The following GLRX3 variants were observed in gnomAD, a reference collection of about 807,000 sequenced individuals.
GLRX3 encodes the protein glutaredoxin-3.
Under a neutral mutation model 49.5 loss-of-function variants are expected in GLRX3, and 22 were observed. The observed-to-expected ratio is 0.44, with a 90% CI of 0.32 to 0.63. The LOEUF is 0.63. Among genes scored for constraint, GLRX3 ranks in the 30% least tolerant of loss-of-function variants. The pLI is 0.05. For synonymous variants in GLRX3, 133 were observed against 140.0 expected (o/e 0.95, Z 0.35); for missense variants, 385 against 396.3 (o/e 0.97, Z 0.24).
intron 8 of GLRX3, among the ~76,000 whole-genome samples, chr10:130,173,067 G>A (rs1215873621): frequency 6.6e-6 from 1 of 152,174 alleles, no homozygotes; most frequent in Non-Finnish European, 1.5e-5. Context: ...CCATACAGTG[G>A]GGGCTGGCTT....
intron 2 of GLRX3, among the ~76,000 whole-genome samples, chr10:130,147,318 G>T (rs1031904678): frequency 2.0e-5 from 3 of 152,216 alleles, no homozygotes; most frequent in Admixed American, 6.5e-5. Context: ...GCTTTTATGT[G>T]TATCATGTTA....
chr10:130,179,242 C>T (rs2134936562), intron 10 of GLRX3, 100 bp from the exon 11 acceptor site: 1 of 635,592 alleles, frequency 1.6e-6, no homozygotes, highest in Non-Finnish European at 2.8e-6. Flanking sequence ...ATAGGTGTTT[C>T]TTTTGGTTCT....
In GLRX3 at chr10:130,155,760, G is replaced by A. The variant is rs369349293; in HGVS notation, c.202-4235G>A. On this transcript the variant is annotated intron_variant, in intron 2 of 10. Coordinates refer to ENST00000331244, the MANE Select transcript of GLRX3 (RefSeq NM_006541.5). ...CATTTAGAGCCATAGGATCGGATGAGCCCACTCCAGGAGAATGAGTGTGGA... is the reference window on the plus strand; with the variant it reads ...CATTTAGAGCCATAGGATCGGATGAACCCACTCCAGGAGAATGAGTGTGGA... Among the ~76,000 whole-genome samples, 3 of 152,302 alleles carry A rather than the reference G, an allele frequency of 2.0e-5. No homozygotes were observed. In the South Asian group the frequency reaches 6.2e-4, roughly 32 times the overall value.
intron 3 of GLRX3, 62 bp from the exon 4 acceptor site, chr10:130,160,734 G>C: frequency 1.1e-6 from 1 of 945,468 alleles, no homozygotes; most frequent in Non-Finnish European, 1.7e-6. Context: ...TTAAAAATCT[G>C]CTATAACAAT....
rs188226680 is a variant in GLRX3, at chr10:130,168,059, A to G, written c.713+1079A>G. ...TCTGCTGAGTGCACTTGCCGCTGTT[A>G]ATGGCCTTGTCTCCATCAGACCTCC... On this transcript the variant is annotated intron_variant, in intron 6 of 10. Transcript: ENST00000331244. Among the ~76,000 whole-genome samples the G allele has an allele frequency of 1.9e-3, 293 of 152,334 alleles. 1 individual carries two copies. Among genetic ancestry groups the G allele is most frequent in the Admixed American group, 5.8e-3 (89 of 15,304 alleles).
In GLRX3 at chr10:130,136,527, G is replaced by C; in HGVS notation, c.92+15G>C. 7.9e-7 allele frequency: 1 copy of C among 1,261,014 alleles called. No individual in the cohort carries two copies. The highest frequency in any genetic ancestry group is 1.0e-6 in the Non-Finnish European group (1 of 996,276). The allele number at this position is 1,261,014 out of a possible 1,614,324, so 78.1% of individuals were successfully genotyped here. ...CTCAAAGCCAAGTAAGCGGGGCGGC[G>C]AGCGGTAGGAGTGAGGAGCCGGAGC... is the stretch of plus-strand genomic sequence containing the variant. On this transcript the variant is annotated intron_variant, in intron 1 of 10. Transcript: ENST00000331244.
At chr10:130,149,260 G>GAAACCAAC (rs1862325593) in intron 2 of GLRX3, among the ~76,000 whole-genome samples, 1 of 152,008 alleles carries the variant, frequency 6.6e-6, no homozygotes, top group Non-Finnish European at 1.5e-5. Context: ...TGAGTAACAT[G>GAAACCAAC]GTGAAACCCT....
chr10:130,176,788 C>A (rs1357765089), intron 10 of GLRX3, among the ~76,000 whole-genome samples: 1 of 136,314 alleles, frequency 7.3e-6, no homozygotes, highest in Non-Finnish European at 1.6e-5. Flanking sequence ...CTCTCTCTCT[C>A]TCTCTATATA....
intron 7 of GLRX3, 114 bp from the exon 8 acceptor site, chr10:130,171,470 A>C: frequency 1.4e-6 from 1 of 707,982 alleles, no homozygotes; most frequent in Non-Finnish European, 2.6e-6. Context: ...GCTGAGTGAA[A>C]GTAGTGGCAG....
intron 2 of GLRX3, among the ~76,000 whole-genome samples, chr10:130,159,155 A>AT (rs959970337): frequency 2.6e-5 from 4 of 152,346 alleles, no homozygotes; most frequent in Admixed American, 6.5e-5. Flanking sequence ...GTGAATACAG[A>AT]TTTTTATTGG....
At chr10:130,164,752 C>T (rs556596451) in intron 4 of GLRX3, among the ~76,000 whole-genome samples, 4 of 152,284 alleles carry the variant, frequency 2.6e-5, no homozygotes, top group African/African-American at 9.6e-5. Flanking sequence ...GAAACACTAC[C>T]AATCAATCTT....
In GLRX3 at chr10:130,137,025, C is replaced by T. The variant is rs149686811; in HGVS notation, c.92+513C>T. ...GCTCTTCAGCCTCCCTTCAGGAACG[C>T]CCCTGTCGCAGGAAGAGCGGCGAGG... On this transcript the variant is annotated intron_variant, in intron 1 of 10. Transcript: ENST00000331244. 1.7e-3 allele frequency among the ~76,000 whole-genome samples: 266 copies of T among 152,384 alleles called. 4 individuals are homozygous for T. The East Asian group carries it at 0.039, about 23-fold the overall frequency.
chr10:130,138,520 T>G (rs1862109979), intron 1 of GLRX3, among the ~76,000 whole-genome samples: 1 of 151,920 alleles, frequency 6.6e-6, no homozygotes, highest in South Asian at 2.1e-4. Context: ...TTTATGGGGG[T>G]GATGAAATTA....
Position 130,166,909 on chromosome 10 carries a change from C to A in GLRX3, c.652-10C>A. 1 of 1,554,728 alleles carries A rather than the reference C, an allele frequency of 6.4e-7. No individual in the cohort carries two copies. The highest frequency in any genetic ancestry group is 1.9e-5 in the Admixed American group (1 of 53,640). ...TTTTTTCATAAAACTGGTATGTGTG[C>A]TTATTTTAGGAGCTAGAAGCATCTG... On this transcript the variant is annotated splice_polypyrimidine_tract_variant and intron_variant, in intron 5 of 10. Coordinates refer to ENST00000331244, the MANE Select transcript of GLRX3 (RefSeq NM_006541.5).
intron 1 of GLRX3, among the ~76,000 whole-genome samples, chr10:130,144,630 A>G (rs1319031574): frequency 6.6e-6 from 1 of 152,220 alleles, no homozygotes; most frequent in South Asian, 2.1e-4. Context: ...CCTGCAAAGG[A>G]CATGAACTCA....
At chr10:130,172,602 T>C (rs1862833773) in intron 8 of GLRX3, among the ~76,000 whole-genome samples, 1 of 152,186 alleles carries the variant, frequency 6.6e-6, no homozygotes, top group African/African-American at 2.4e-5. Context: ...AAAGATCTAT[T>C]GAAAATAGTT....
intron 3 of GLRX3, among the ~76,000 whole-genome samples, 176 bp from the exon 4 acceptor site, chr10:130,160,620 C>T (rs924981491): frequency 3.9e-5 from 6 of 152,008 alleles, no homozygotes; most frequent in African/African-American, 1.5e-4. Flanking sequence ...CAGTGTGTTT[C>T]TGAGAAAAGA....
At position 130,160,983 on chromosome 10, in the gene GLRX3, A is replaced by C. The variant is rs1023501686; in HGVS notation, c.464A>C (p.Gln155Pro). ...ATGCTGTTTATGAAAGGAACTCCTC[A>C]AGAACCACGCTGTGGTAAGAAGCTG... ...PCMLFMKGTP[Q>P]EPRCGFSKQM... The change falls in exon 4 of 11, where the codon CAA becomes CCA. Residue 155 changes from glutamine (Q) to proline (P), a missense_variant. Coordinates refer to ENST00000331244, the MANE Select transcript of GLRX3 (RefSeq NM_006541.5). 24 of 1,612,110 alleles carry C rather than the reference A, an allele frequency of 1.5e-5. No individual in the cohort carries two copies. The highest frequency in any genetic ancestry group is 1.9e-5 in the Non-Finnish European group (22 of 1,178,936).
At chr10:130,147,307 T>C (rs190418996) in intron 2 of GLRX3, among the ~76,000 whole-genome samples, 1 of 152,392 alleles carries the variant, frequency 6.6e-6, no homozygotes, top group East Asian at 1.9e-4. Context: ...GTTCTAAGTC[T>C]GCTTTTATGT....
Sources: allele counts gnomAD v4.1 joint callset (sites outside exome capture counted in the v4.1 genomes callset), GRCh38; gene constraint gnomAD v4.1.1; transcripts MANE v1.5; gene names NCBI Gene and HGNC (gene_info 2026-07-23, HGNC 2026-07-21).